The following C1orf146 variants were observed in gnomAD, a reference collection of about 807,000 sequenced individuals.
C1orf146 encodes the protein chromosome 1 open reading frame 146, also known as protein SPO16 homolog.
C1orf146 carries 22 observed loss-of-function variants against 23.0 expected under a neutral mutation model. That is an observed-to-expected ratio of 0.96 (90% CI 0.68 to 1.36). C1orf146 has a LOEUF of 1.36. Among genes scored for constraint, C1orf146 ranks in the 40% most tolerant of loss-of-function variants. The pLI, the probability that C1orf146 is intolerant of heterozygous loss-of-function variation, is 0.00. For missense variants in C1orf146, 199 were observed against 206.8 expected, an observed-to-expected ratio of 0.96 and a Z score of 0.23; for synonymous variants, 59 against 65.3, an observed-to-expected ratio of 0.90 and a Z score of 0.47.
intron 4 of C1orf146, 49 bp downstream of exon 4, chr1:92,244,434 T>C (rs1652516943): frequency 7.2e-7 from 1 of 1,392,648 alleles, no homozygotes; most frequent in South Asian, 1.4e-5. Flanking sequence ...TTGTATTTAT[T>C]TCAGTTCTTA....
chr1:92,227,835 AT>A (rs748069152), intron 1 of C1orf146, among the ~76,000 whole-genome samples: 491 of 141,630 alleles, frequency 3.5e-3, no homozygotes, highest in Middle Eastern at 0.011. Context: ...TCCTTTGAAG[AT>A]TTTTTTTTTT....
chr1:92,242,350 T>A, intron 3 of C1orf146, 45 bp downstream of exon 3: 1 of 1,038,544 alleles, frequency 9.6e-7, no homozygotes, highest in East Asian at 2.5e-5. Flanking sequence ...ATGAAATATG[T>A]TGGTATAAAT....
chr1:92,224,022 TTA>T (rs1557484829), intron 1 of C1orf146, among the ~76,000 whole-genome samples: 7 of 128,112 alleles, frequency 5.5e-5, no homozygotes, highest in Non-Finnish European at 9.6e-5. Context: ...TTTTATTTAT[TTA>T]TTTATTTATT....
intron 2 of C1orf146, among the ~76,000 whole-genome samples, chr1:92,240,251 A>T (rs1274111161): frequency 6.6e-6 from 1 of 152,240 alleles, no homozygotes; most frequent in Non-Finnish European, 1.5e-5. Context: ...GAGCTGGCAG[A>T]TGCCCTCAGG....
At chr1:92,236,010 A>C (rs1023608506) in intron 2 of C1orf146, among the ~76,000 whole-genome samples, 1 of 152,092 alleles carries the variant, frequency 6.6e-6, no homozygotes, top group African/African-American at 2.4e-5. Flanking sequence ...GTGTCTCTGC[A>C]TGTGAGATGG....
At chr1:92,223,861 T>C (rs1651896007) in intron 1 of C1orf146, among the ~76,000 whole-genome samples, 1 of 151,570 alleles carries the variant, frequency 6.6e-6, no homozygotes, top group African/African-American at 2.4e-5. Context: ...TAAAAATATA[T>C]TCGGGGTACA....
intron 1 of C1orf146, among the ~76,000 whole-genome samples, chr1:92,230,954 G>T (rs892036536): frequency 1.3e-5 from 2 of 152,168 alleles, no homozygotes; most frequent in African/African-American, 2.4e-5. Flanking sequence ...CCATCACCCT[G>T]TGGGAATTGG....
intron 4 of C1orf146, 146 bp from the exon 5 acceptor site, chr1:92,244,633 G>C (rs956921026): frequency 1.6e-5 from 10 of 643,084 alleles, no homozygotes; most frequent in Non-Finnish European, 2.6e-5. Context: ...TGGCTATAAA[G>C]CCATCTCAAA....
At chr1:92,241,767 G>GT (rs960265725) in intron 2 of C1orf146, among the ~76,000 whole-genome samples, 4 of 151,740 alleles carry the variant, frequency 2.6e-5, no homozygotes, top group East Asian at 1.9e-4. Flanking sequence ...CACCACCCAA[G>GT]TTTTTTTTTA....
chr1:92,245,240 A>C (rs1025225621), intron 5 of C1orf146, among the ~76,000 whole-genome samples: 1 of 152,174 alleles, frequency 6.6e-6, no homozygotes, highest in Non-Finnish European at 1.5e-5. Flanking sequence ...GTCCTCTGCA[A>C]AGTGTGCCCA....
intron 1 of C1orf146, among the ~76,000 whole-genome samples, chr1:92,220,491 A>G (rs1052798469): frequency 6.6e-6 from 1 of 152,218 alleles, no homozygotes; most frequent in Non-Finnish European, 1.5e-5. Context: ...GGTATAGCCT[A>G]TTGCTCCTGG....
intron 1 of C1orf146, chr1:92,229,117 C>T (rs570598160): frequency 1.4e-5 from 7 of 502,686 alleles, no homozygotes; most frequent in African/African-American, 6.0e-5. Flanking sequence ...ATGGAGCCGC[C>T]GATCCACACC....
At chr1:92,234,962 C>G (rs372356900) in intron 2 of C1orf146, among the ~76,000 whole-genome samples, 1 of 152,140 alleles carries the variant, frequency 6.6e-6, no homozygotes, top group Non-Finnish European at 1.5e-5. Context: ...GTGATATCCC[C>G]TTTATCATTT....
intron 1 of C1orf146, among the ~76,000 whole-genome samples, chr1:92,219,722 A>G (rs1651774895): frequency 6.6e-6 from 1 of 151,986 alleles, no homozygotes; most frequent in Non-Finnish European, 1.5e-5. Flanking sequence ...AGGTGCAAAC[A>G]TAATGCACTG....
At chr1:92,237,013 A>C (rs1410654669) in intron 2 of C1orf146, among the ~76,000 whole-genome samples, 3 of 152,068 alleles carry the variant, frequency 2.0e-5, no homozygotes, top group African/African-American at 7.2e-5. Context: ...CGTTCGCCTA[A>C]ATTTTTTTCA....
chr1:92,244,179 A>C (rs1227416818), intron 3 of C1orf146, 38 bp from the exon 4 acceptor site: 2 of 1,446,212 alleles, frequency 1.4e-6, no homozygotes. Context: ...TCATCTCTAT[A>C]ACAAAGTGAC....
At position 92,245,651 on chromosome 1, in the gene C1orf146, A is replaced by G. The variant is rs769889645; in HGVS notation, c.520A>G (p.Ser174Gly). Residue 174 changes from serine (S) to glycine (G), a missense_variant, in exon 6 of 6, where the codon AGT becomes GGT. Ser to Gly is a moderately conservative substitution (Grantham distance 56). Transcript: ENST00000370375. ...WKTLQKIKLNSDSVNPN is the reference protein window; with the variant it reads ...WKTLQKIKLNGDSVNPN ...AACACTTCAGAAGATAAAACTGAAT[A>G]GTGATTCAGTTAACCCAAATTAGAG... 3.2e-6 allele frequency: 5 copies of G among 1,583,116 alleles called. No homozygotes were observed. The highest frequency in any genetic ancestry group is 3.4e-6 in the Non-Finnish European group (4 of 1,167,760).
intron 1 of C1orf146, among the ~76,000 whole-genome samples, chr1:92,220,781 A>C (rs1049758802): frequency 1.3e-5 from 2 of 152,224 alleles, no homozygotes; most frequent in African/African-American, 4.8e-5. Context: ...AGGTAGGATT[A>C]AAAAGAGACT....
In C1orf146 at chr1:92,242,267, A is replaced by T. The variant is rs1652450167; in HGVS notation, c.122A>T (p.Asp41Val). Residue 41 changes from aspartate to valine, a missense_variant, in exon 3 of 6, where the codon GAT becomes GTT. Physicochemically the swap from Asp to Val is radical, Grantham distance 152. Coordinates refer to ENST00000370375, the MANE Select transcript of C1orf146 (RefSeq NM_001012425.2). ...CGAAGCCACAAAGTTCGATATTCAG[A>T]TTCAGTGGAAAATGGATCAATTATA... is the stretch of plus-strand genomic sequence containing the variant. ...ENRSHKVRYS[D>V]SVENGSIIFS... is the part of the protein sequence containing the mutation. The T allele has an allele frequency of 1.2e-6, 2 of 1,602,532 alleles. No homozygotes were observed. The highest frequency in any genetic ancestry group is 1.7e-6 in the Non-Finnish European group (2 of 1,173,398).
Sources: gnomAD v4.1 joint callset for allele counts (sites outside exome capture counted in the v4.1 genomes callset) on GRCh38, gnomAD v4.1.1 for gene constraint, MANE v1.5 for transcripts, NCBI Gene and HGNC (gene_info 2026-07-23, HGNC 2026-07-21) for gene names.